The following CAMK2D variants were observed in gnomAD, a reference collection of about 807,000 sequenced individuals.
CAMK2D encodes the protein calcium/calmodulin-dependent protein kinase type II subunit delta.
Under a neutral mutation model 84.0 loss-of-function variants are expected in CAMK2D, and 37 were observed. That is an observed-to-expected ratio of 0.44 (90% CI 0.34 to 0.58). The LOEUF is 0.58. Ranked by LOEUF, CAMK2D falls within the 20% of genes least tolerant of loss-of-function variation. CAMK2D has a pLI of 0.02. For missense variants in CAMK2D, 448 were observed against 652.5 expected, an observed-to-expected ratio of 0.69 and a Z score of 3.41; for synonymous variants, 202 against 212.5, an observed-to-expected ratio of 0.95 and a Z score of 0.43.
chr4:113,481,205 G>A (rs923826273), intron 16 of CAMK2D, among the ~76,000 whole-genome samples: 1 of 152,116 alleles, frequency 6.6e-6, no homozygotes, highest in Non-Finnish European at 1.5e-5. Context: ...GATCATTTTA[G>A]TGGCTGCTAG....
chr4:113,471,005 T>C (rs959858531), intron 16 of CAMK2D, among the ~76,000 whole-genome samples: 2 of 152,210 alleles, frequency 1.3e-5, no homozygotes, highest in Non-Finnish European at 2.9e-5. Flanking sequence ...AAATATAAAA[T>C]TGACAAATGG....
Position 113,499,742 on chromosome 4 carries a change from G to C in CAMK2D, c.1135+721C>G, listed in dbSNP as rs72905931. On this transcript the variant is annotated intron_variant, in intron 16 of 20. Coordinates refer to ENST00000511664, the MANE Select transcript of CAMK2D (RefSeq NM_001321571.2). ...AGACAACTGGTCTATAGAGACTGTA[G>C]TTATATATAATGAATTACAAAAACA... 3.8e-3 allele frequency among the ~76,000 whole-genome samples: 575 copies of C among 152,210 alleles called. 4 individuals carry two copies. Among genetic ancestry groups the C allele is most frequent in the African/African-American group, 0.013 (535 of 41,542 alleles).
chr4:113,455,829 G>C lies in CAMK2D; in HGVS notation c.1536-8C>G. The C allele has an allele frequency of 2.6e-6, 4 of 1,564,832 alleles. No homozygotes were observed. Among genetic ancestry groups the C allele is most frequent in the Non-Finnish European group, 3.5e-6 (4 of 1,135,634 alleles). On this transcript the variant is annotated splice_region_variant and splice_polypyrimidine_tract_variant and intron_variant, in intron 19 of 20. Transcript: ENST00000511664. ...TTTGGAATACAGGGTGGCCTATTAA[G>C]AGAAGCCCCATTTAAGCCACCTGGC...
At chr4:113,625,135 T>G (rs1206643554) in intron 3 of CAMK2D, among the ~76,000 whole-genome samples, 2 of 152,198 alleles carry the variant, frequency 1.3e-5, no homozygotes, top group Admixed American at 6.5e-5. Context: ...ATGTACATAC[T>G]TCTTTAATTC....
chr4:113,695,974 C>T (rs1030309946), intron 2 of CAMK2D, among the ~76,000 whole-genome samples: 3 of 152,072 alleles, frequency 2.0e-5, no homozygotes, highest in Non-Finnish European at 4.4e-5. Context: ...ACACACTGGT[C>T]TCCTTGCTTC....
At chr4:113,653,969 G>T (rs951586649) in intron 3 of CAMK2D, among the ~76,000 whole-genome samples, 5 of 151,976 alleles carry the variant, frequency 3.3e-5, no homozygotes, top group Non-Finnish European at 7.4e-5. Context: ...AAAAACTTGA[G>T]GAATGGTATT....
At chr4:113,717,151 TC>T (rs2148554668) in intron 2 of CAMK2D, among the ~76,000 whole-genome samples, 1 of 152,272 alleles carries the variant, frequency 6.6e-6, no homozygotes, top group South Asian at 2.1e-4. Flanking sequence ...ACAGCAATTA[TC>T]ATCACAAATT....
chr4:113,495,335 C>T (rs766304825), intron 16 of CAMK2D, among the ~76,000 whole-genome samples: 2 of 152,126 alleles, frequency 1.3e-5, no homozygotes, highest in African/African-American at 2.4e-5. Flanking sequence ...TCTTAATTTG[C>T]AGATTTTTCT....
intron 4 of CAMK2D, among the ~76,000 whole-genome samples, chr4:113,571,281 C>T (rs1049491987): frequency 6.6e-6 from 1 of 152,076 alleles, no homozygotes; most frequent in African/African-American, 2.4e-5. Flanking sequence ...CCAGTAATTC[C>T]ACTATGGGGT....
chr4:113,638,871 G>C (rs2099120556), intron 3 of CAMK2D, among the ~76,000 whole-genome samples: 1 of 152,056 alleles, frequency 6.6e-6, no homozygotes, highest in Non-Finnish European at 1.5e-5. Flanking sequence ...ATTTAAAAGT[G>C]AATGTAAAAA....
chr4:113,626,550 AT>A (rs1257887072), intron 3 of CAMK2D, among the ~76,000 whole-genome samples: 1 of 152,204 alleles, frequency 6.6e-6, no homozygotes. Flanking sequence ...CTAGGCAGTT[AT>A]TTTACCATGT....
chr4:113,735,236 G>A (rs1414343591), intron 2 of CAMK2D, among the ~76,000 whole-genome samples: 1 of 132,812 alleles, frequency 7.5e-6, no homozygotes, highest in Non-Finnish European at 1.6e-5. Context: ...TGGATCACTT[G>A]AGCTCAAGAG....
intron 4 of CAMK2D, among the ~76,000 whole-genome samples, chr4:113,554,354 T>C (rs1280388880): frequency 6.6e-6 from 1 of 152,106 alleles, no homozygotes; most frequent in Non-Finnish European, 1.5e-5. Flanking sequence ...TACATGGCAA[T>C]AGATTTTATT....
rs996973525 is a variant in CAMK2D, at chr4:113,712,090, T to C, written c.160+47230A>G. On this transcript the variant is annotated intron_variant, in intron 2 of 20. Coordinates refer to ENST00000511664, the MANE Select transcript of CAMK2D (RefSeq NM_001321571.2). ...AAATTCATTCTTTTAGTGTAAGTCA[T>C]TGAACTTTCTTAAAATCTAAGTATC... 6.0e-4 allele frequency among the ~76,000 whole-genome samples: 92 copies of C among 152,148 alleles called. 5 individuals carry two copies. Among genetic ancestry groups the C allele is most frequent in the East Asian group, 3.8e-4 (2 of 5,202 alleles).
intron 4 of CAMK2D, among the ~76,000 whole-genome samples, chr4:113,561,654 A>G (rs186120385): frequency 2.6e-5 from 4 of 152,336 alleles, no homozygotes; most frequent in African/African-American, 9.6e-5. Flanking sequence ...TTAAAAAGAT[A>G]ATGCCAGATT....
At chr4:113,509,773 G>A (rs1272745008) in intron 12 of CAMK2D, 98 bp from the exon 13 acceptor site, 3 of 843,120 alleles carry the variant, frequency 3.6e-6, no homozygotes, top group Non-Finnish European at 6.1e-6. Flanking sequence ...TACCACCTTT[G>A]CTGAGTTCTG....
chr4:113,627,886 G>A (rs75310225), intron 3 of CAMK2D, among the ~76,000 whole-genome samples: 1,981 of 152,190 alleles, frequency 0.013, 38 homozygotes, highest in African/African-American at 0.045. Context: ...ACCACCAAAG[G>A]GCTTCAAGTA....
intron 2 of CAMK2D, among the ~76,000 whole-genome samples, chr4:113,750,529 C>A (rs1487048020): frequency 1.3e-5 from 2 of 152,314 alleles, no homozygotes. Flanking sequence ...AAATGCCAGG[C>A]TGTCATCCAC....
intron 2 of CAMK2D, among the ~76,000 whole-genome samples, chr4:113,694,487 A>G (rs1003219380): frequency 1.3e-5 from 2 of 152,146 alleles, no homozygotes; most frequent in African/African-American, 4.8e-5. Context: ...CCAAGAATGG[A>G]GTTTATAAGA....
Sources: gnomAD v4.1 joint callset for allele counts (sites outside exome capture counted in the v4.1 genomes callset) on GRCh38, gnomAD v4.1.1 for gene constraint, MANE v1.5 for transcripts, NCBI Gene and HGNC (gene_info 2026-07-23, HGNC 2026-07-21) for gene names.